The following OSBPL10 variants were observed in gnomAD, a reference collection of about 807,000 sequenced individuals.
The protein encoded by OSBPL10 is oxysterol binding protein like 10.
Under a neutral mutation model 81.7 loss-of-function variants are expected in OSBPL10, and 49 were observed. The observed-to-expected ratio is 0.60, with a 90% CI of 0.48 to 0.76. OSBPL10 has a LOEUF of 0.76. OSBPL10 is among the 30% of genes least tolerant of loss of function. OSBPL10 has a pLI of 0.00. For missense variants in OSBPL10, 923 were observed against 987.8 expected (o/e 0.93, Z 0.88); for synonymous variants, 419 against 383.6 (o/e 1.09, Z -1.08).
In OSBPL10 at chr3:31,980,785, C is replaced by A. The variant is rs1575075590; in HGVS notation, c.281+114G>T. 3.1e-6 allele frequency: 4 copies of A among 1,304,384 alleles called. No individual in the cohort carries two copies. In the South Asian group the frequency reaches 7.8e-5, roughly 25 times the overall value. The allele number at this position is 1,304,384 out of a possible 1,614,324, so 80.8% of individuals were successfully genotyped here. ...CCGTTGGGAGGCATCACTGGGTTCG[C>A]TGAAGGCACAATCGCGCGCGCACAC... On this transcript the variant is annotated intron_variant, in intron 1 of 11. Transcript: ENST00000396556.
intron 8 of OSBPL10, among the ~76,000 whole-genome samples, chr3:31,672,363 G>GC (rs1186399301): frequency 1.4e-5 from 1 of 73,478 alleles, no homozygotes; most frequent in Admixed American, 1.1e-4. Flanking sequence ...TGCGGGGGCG[G>GC]GGGGGGGGGC....
At chr3:32,042,069 G>T (rs773099185) in intron 2 of OSBPL10, among the ~76,000 whole-genome samples, 1 of 152,114 alleles carries the variant, frequency 6.6e-6, no homozygotes, top group Middle Eastern at 3.2e-3. Flanking sequence ...CCACCCAAAG[G>T]TTACCTGCTA....
At chr3:31,961,920 T>A (rs74704676) in intron 1 of OSBPL10, among the ~76,000 whole-genome samples, 1 of 149,694 alleles carries the variant, frequency 6.7e-6, no homozygotes. Flanking sequence ...TTTTTTTTTT[T>A]AAGAGTTTTT....
chr3:31,869,735 G>A (rs1701272592), intron 3 of OSBPL10, among the ~76,000 whole-genome samples: 1 of 152,144 alleles, frequency 6.6e-6, no homozygotes, highest in South Asian at 2.1e-4. Context: ...TAACAGTTGT[G>A]TAACTTTCAG....
At chr3:31,984,987 C>T (rs941764712), upstream of OSBPL10, among the ~76,000 whole-genome samples, 5 of 152,132 alleles carry the variant, frequency 3.3e-5, no homozygotes, top group African/African-American at 1.2e-4. Context: ...GCCTGTAATC[C>T]CAGCACTTTG....
intron 2 of OSBPL10, among the ~76,000 whole-genome samples, chr3:32,015,557 A>G (rs1699304723): frequency 1.3e-5 from 2 of 152,242 alleles, no homozygotes; most frequent in African/African-American, 4.8e-5. Context: ...CTTCATGTCT[A>G]AAACACCAAA....
At chr3:31,794,968 C>T in intron 4 of OSBPL10, 1 of 317,994 alleles carries the variant, frequency 3.1e-6, no homozygotes, top group South Asian at 3.6e-5. Flanking sequence ...CCATGTGTCA[C>T]AGGAGCCATT....
chr3:31,928,688 G>A (rs757791054), intron 1 of OSBPL10, among the ~76,000 whole-genome samples: 1 of 146,814 alleles, frequency 6.8e-6, no homozygotes, highest in Non-Finnish European at 1.5e-5. Context: ...GCTGAGACAG[G>A]AGAATCATTT....
intron 1 of OSBPL10, among the ~76,000 whole-genome samples, chr3:31,917,415 CTG>C (rs894501853): frequency 6.8e-6 from 1 of 147,934 alleles, no homozygotes; most frequent in African/African-American, 2.5e-5. Context: ...TCAAGAGCCT[CTG>C]TTAATTTACA....
chr3:31,759,681 T>C (rs528054239), intron 4 of OSBPL10, among the ~76,000 whole-genome samples: 1 of 152,304 alleles, frequency 6.6e-6, no homozygotes, highest in South Asian at 2.1e-4. Context: ...GGCTTACCGA[T>C]AACATTAGCA....
At chr3:32,015,897 A>G (rs1699309889) in intron 2 of OSBPL10, among the ~76,000 whole-genome samples, 1 of 152,254 alleles carries the variant, frequency 6.6e-6, no homozygotes. Context: ...CCACAATGAG[A>G]TACCATCTCA....
chr3:31,736,806 G>A (rs1438131963), intron 5 of OSBPL10, among the ~76,000 whole-genome samples: 1 of 152,170 alleles, frequency 6.6e-6, no homozygotes, highest in African/African-American at 2.4e-5. Flanking sequence ...AGGCTGAGAT[G>A]GGAAGATCAC....
rs1452471658 is a variant in OSBPL10 at position 31,722,169 on chromosome 3, CA to C, written c.1095+11087del. Among the ~76,000 whole-genome samples, 5 of 152,300 alleles carry C rather than the reference CA, an allele frequency of 3.3e-5. No individual in the cohort carries two copies. The East Asian group carries it at 9.6e-4, about 29-fold the overall frequency. ...AGAAATTTTTTTTAACTCATCTTAA[CA>C]GCCAAATTATCAAAAACAGAATCTC... is the stretch of plus-strand genomic sequence containing the variant. On this transcript the variant is annotated intron_variant, in intron 6 of 11. Coordinates refer to ENST00000396556, the MANE Select transcript of OSBPL10 (RefSeq NM_017784.5).
chr3:32,057,249 T>G (rs1429083975), intron 1 of OSBPL10, among the ~76,000 whole-genome samples: 1 of 152,208 alleles, frequency 6.6e-6, no homozygotes, highest in Non-Finnish European at 1.5e-5. Context: ...TTCATTTACC[T>G]TCCTAATAAA....
At chr3:31,764,998 T>G (rs1698153084) in intron 4 of OSBPL10, among the ~76,000 whole-genome samples, 1 of 152,128 alleles carries the variant, frequency 6.6e-6, no homozygotes, top group Non-Finnish European at 1.5e-5. Flanking sequence ...CACATCATGG[T>G]TGTAATTAAC....
At chr3:31,883,243 C>CTT (rs34333418) in intron 1 of OSBPL10, among the ~76,000 whole-genome samples, 1 of 144,584 alleles carries the variant, frequency 6.9e-6, no homozygotes, top group Non-Finnish European at 1.5e-5. Flanking sequence ...GCATGCCACT[C>CTT]TTTTTTTTTT....
intron 8 of OSBPL10, among the ~76,000 whole-genome samples, chr3:31,678,965 C>T (rs1700567033): frequency 6.6e-6 from 1 of 152,092 alleles, no homozygotes; most frequent in Non-Finnish European, 1.5e-5. Context: ...CTACCCTCAG[C>T]GACTCCCATC....
intron 4 of OSBPL10, among the ~76,000 whole-genome samples, chr3:31,820,992 A>T (rs1699971237): frequency 6.6e-6 from 1 of 152,170 alleles, no homozygotes; most frequent in African/African-American, 2.4e-5. Flanking sequence ...GAGGAAGACA[A>T]GGGGTCAGAC....
intron 1 of OSBPL10, among the ~76,000 whole-genome samples, chr3:31,920,530 A>G (rs115089256): frequency 6.6e-6 from 1 of 152,200 alleles, no homozygotes; most frequent in Non-Finnish European, 1.5e-5. Context: ...TCCCATGGGG[A>G]TGCAGGTTAC....
Sources: allele counts gnomAD v4.1 joint callset (sites outside exome capture counted in the v4.1 genomes callset), GRCh38; gene constraint gnomAD v4.1.1; transcripts MANE v1.5; gene names NCBI Gene and HGNC (gene_info 2026-07-23, HGNC 2026-07-21).